Variants in SOX5 observed in about 807,000 individuals in gnomAD.
SOX5 encodes transcription factor SOX-5.
In SOX5, 9 loss-of-function variants were observed where a neutral mutation model predicts 92.0. That is an observed-to-expected ratio of 0.10 (90% CI 0.06 to 0.17). The LOEUF is 0.17. SOX5 is among the 10% of genes least tolerant of loss of function. The pLI, the probability that SOX5 is intolerant of heterozygous loss-of-function variation, is 1.00. For synonymous variants in SOX5, 344 were observed against 336.3 expected, an observed-to-expected ratio of 1.02 and a Z score of -0.25; for missense variants, 642 against 944.5, an observed-to-expected ratio of 0.68 and a Z score of 4.20.
intron 4 of SOX5, among the ~76,000 whole-genome samples, chr12:24,025,181 G>C (rs1273503928): frequency 2.0e-5 from 3 of 152,018 alleles, no homozygotes; most frequent in Non-Finnish European, 4.4e-5. Context: ...ATGGTGGGAT[G>C]AGAGCAAAGT....
chr12:24,212,912 T>C (rs1332819548), intron 4 of SOX5, among the ~76,000 whole-genome samples: 1 of 152,172 alleles, frequency 6.6e-6, no homozygotes, highest in South Asian at 2.1e-4. Flanking sequence ...ACAGAGTACA[T>C]GGCAGAGAAG....
At chr12:24,016,914 C>G (rs1953692903) in intron 4 of SOX5, among the ~76,000 whole-genome samples, 1 of 152,128 alleles carries the variant, frequency 6.6e-6, no homozygotes, top group African/African-American at 2.4e-5. Context: ...ATCTACTCAC[C>G]AAAACCACTT....
At chr12:24,097,534 G>A (rs947793998) in intron 4 of SOX5, among the ~76,000 whole-genome samples, 4 of 149,190 alleles carry the variant, frequency 2.7e-5, no homozygotes, top group Admixed American at 2.7e-4. Flanking sequence ...TGCTCCATTT[G>A]AAGTTTTTTT....
intron 9 of SOX5, chr12:23,584,725 G>C: frequency 1.6e-6 from 1 of 635,814 alleles, no homozygotes; most frequent in Middle Eastern, 3.4e-4. Flanking sequence ...AGAAGGACAG[G>C]TGTGAGTGTG....
At chr12:24,225,737 T>C (rs967212217) in intron 3 of SOX5, among the ~76,000 whole-genome samples, 8 of 152,230 alleles carry the variant, frequency 5.3e-5, no homozygotes, top group African/African-American at 1.9e-4. Flanking sequence ...TTAATGATTG[T>C]AATGACTTAC....
At chr12:23,832,912 T>C (rs1407451882) in intron 3 of SOX5, among the ~76,000 whole-genome samples, 1 of 151,866 alleles carries the variant, frequency 6.6e-6, no homozygotes, top group Non-Finnish European at 1.5e-5. Context: ...CTGTAAATTA[T>C]CCCTTCAAAA....
intron 1 of SOX5, among the ~76,000 whole-genome samples, chr12:24,556,676 C>G (rs185126024): frequency 6.6e-5 from 10 of 152,256 alleles, no homozygotes; most frequent in Admixed American, 2.0e-4. Flanking sequence ...GAATTAGGTC[C>G]TAAAGTTTTT....
intron 4 of SOX5, among the ~76,000 whole-genome samples, chr12:24,114,298 C>T (rs1011043868): frequency 6.6e-6 from 1 of 151,866 alleles, no homozygotes; most frequent in African/African-American, 2.4e-5. Flanking sequence ...ACATAAAAGA[C>T]GAGAACAGTG....
chr12:24,190,644 T>G (rs576712249), intron 4 of SOX5, among the ~76,000 whole-genome samples: 1 of 152,274 alleles, frequency 6.6e-6, no homozygotes, highest in South Asian at 2.1e-4. Flanking sequence ...TTGGAGCCAT[T>G]GTGGGTAGCA....
intron 1 of SOX5, among the ~76,000 whole-genome samples, chr12:24,501,258 T>C (rs1217545715): frequency 2.0e-5 from 3 of 152,020 alleles, no homozygotes; most frequent in African/African-American, 4.8e-5. Flanking sequence ...AAGGTTGTGA[T>C]CTTGTTGAGC....
chr12:23,908,761 A>G (rs2097319733), intron 1 of SOX5, among the ~76,000 whole-genome samples: 1 of 152,074 alleles, frequency 6.6e-6, no homozygotes, highest in Non-Finnish European at 1.5e-5. Flanking sequence ...ACTCCAAAAC[A>G]GCGGGATGCA....
intron 4 of SOX5, among the ~76,000 whole-genome samples, chr12:23,986,957 T>C (rs559756375): frequency 1.3e-5 from 2 of 152,326 alleles, no homozygotes; most frequent in East Asian, 1.9e-4. Flanking sequence ...ACTTTCACTC[T>C]GTTAGAAAAA....
At chr12:24,132,587 T>C (rs932193142) in intron 4 of SOX5, among the ~76,000 whole-genome samples, 3 of 152,160 alleles carry the variant, frequency 2.0e-5, no homozygotes, top group Admixed American at 2.0e-4. Context: ...ATCCGTATAC[T>C]TGGGTTAGAA....
chr12:24,190,690 A>T (rs1176174134), intron 4 of SOX5, among the ~76,000 whole-genome samples: 1 of 152,246 alleles, frequency 6.6e-6, no homozygotes, highest in African/African-American at 2.4e-5. Context: ...TTCATCCAAG[A>T]TGCCATTAAT....
chr12:24,432,389 AG>A (rs1938527149), intron 1 of SOX5, among the ~76,000 whole-genome samples: 1 of 152,186 alleles, frequency 6.6e-6, no homozygotes, highest in South Asian at 2.1e-4. Context: ...CCCCAATAAA[AG>A]TAACCTAGCA....
chr12:24,373,331 G>A (rs1036248412), intron 1 of SOX5, among the ~76,000 whole-genome samples: 5 of 152,006 alleles, frequency 3.3e-5, no homozygotes, highest in Admixed American at 6.6e-5. Flanking sequence ...TAATCTTATC[G>A]TGTTGTGTCC....
At chr12:24,274,978 A>G (rs551123226) in intron 3 of SOX5, among the ~76,000 whole-genome samples, 33 of 152,292 alleles carry the variant, frequency 2.2e-4, no homozygotes, top group Non-Finnish European at 3.1e-4. Flanking sequence ...AGGCTGCAAT[A>G]TGATCAAGAT....
chr12:23,905,344 T>C (rs1292157033), intron 1 of SOX5, among the ~76,000 whole-genome samples: 3 of 152,190 alleles, frequency 2.0e-5, no homozygotes, highest in Admixed American at 6.5e-5. Flanking sequence ...CTAATAACTG[T>C]AAATCACTAA....
chr12:23,626,623 A>G (rs1184758234), intron 8 of SOX5, among the ~76,000 whole-genome samples: 2 of 148,236 alleles, frequency 1.3e-5, no homozygotes, highest in Non-Finnish European at 3.0e-5. Context: ...CACAAGGTGC[A>G]GAGTTTCCTT....
Sources: gnomAD v4.1 joint callset for allele counts (sites outside exome capture counted in the v4.1 genomes callset) on GRCh38, gnomAD v4.1.1 for gene constraint, MANE v1.5 for transcripts, NCBI Gene and HGNC (gene_info 2026-07-23, HGNC 2026-07-21) for gene names.